The following KCNMA1 variants were observed in gnomAD, a reference collection of about 807,000 sequenced individuals.
KCNMA1 encodes potassium calcium-activated channel subfamily M alpha 1, also known as Calcium-activated potassium channel subunit alpha-1.
KCNMA1 carries 29 observed loss-of-function variants against 140.0 expected under a neutral mutation model. The ratio of observed to expected loss-of-function variants is 0.21; its 90% confidence interval spans 0.15 to 0.28. The LOEUF is 0.28. KCNMA1 is among the 10% of genes least tolerant of loss of function. KCNMA1 has a pLI of 1.00. For synonymous variants in KCNMA1, 612 were observed against 611.9 expected, an observed-to-expected ratio of 1.00 and a Z score of 0.00; for missense variants, 880 against 1,602.2, an observed-to-expected ratio of 0.55 and a Z score of 7.70.
Position 77,108,632 on chromosome 10 carries a change from T to C in KCNMA1, c.1132-60A>G, listed in dbSNP as rs2097250848. The C allele has an allele frequency of 8.0e-7, 1 of 1,257,186 alleles. No individual in the cohort carries two copies. The highest frequency in any genetic ancestry group is 1.5e-5 in the African/African-American group (1 of 67,898). The allele number at this position is 1,257,186 out of a possible 1,614,324, so 77.9% of individuals were successfully genotyped here. A position where few individuals can be genotyped will look rare whatever the true frequency, so the allele number is the denominator to read the frequency against. ...GACAGGCCAAAGAAAAGGGGGGACC[T>C]GTTCAGAGGGTGGGGGCACTAAGAT... On this transcript the variant is annotated intron_variant, in intron 8 of 27. Coordinates refer to ENST00000286628, the MANE Select transcript of KCNMA1 (RefSeq NM_001161352.2). The surrounding 1 kb of genome is among the most constrained non-coding windows in gnomAD (Gnocchi z 4.6).
chr10:77,362,630 C>T (rs1258616486), intron 2 of KCNMA1, among the ~76,000 whole-genome samples: 8 of 152,056 alleles, frequency 5.3e-5, no homozygotes, highest in Non-Finnish European at 7.3e-5. Flanking sequence ...CCCTGCCTGA[C>T]GTCCTGCCTC....
chr10:77,472,910 A>T (rs534881903), intron 1 of KCNMA1, among the ~76,000 whole-genome samples: 1 of 152,270 alleles, frequency 6.6e-6, no homozygotes, highest in East Asian at 1.9e-4. Flanking sequence ...CACTTACTCT[A>T]TGCTGTCTGA....
chr10:77,066,154 T>G (rs995676852), intron 14 of KCNMA1, among the ~76,000 whole-genome samples: 1 of 152,156 alleles, frequency 6.6e-6, no homozygotes, highest in African/African-American at 2.4e-5. Flanking sequence ...TTGTTCTGGA[T>G]GCTTTGTTGA....
At chr10:76,903,541 C>T (rs2046474238) in intron 25 of KCNMA1, 1 of 152,176 alleles carries the variant, frequency 6.6e-6, no homozygotes, top group South Asian at 2.1e-4. Context: ...GCAGGACATA[C>T]CTCCATGTAC....
intron 1 of KCNMA1, among the ~76,000 whole-genome samples, chr10:77,626,095 C>G (rs2092476625): frequency 6.6e-6 from 1 of 152,056 alleles, no homozygotes; most frequent in African/African-American, 2.4e-5. Flanking sequence ...CCTGCACGGC[C>G]TACGTTTTCT....
At chr10:76,915,386 A>G (rs1233781681) in intron 23 of KCNMA1, among the ~76,000 whole-genome samples, 2 of 152,102 alleles carry the variant, frequency 1.3e-5, no homozygotes, top group African/African-American at 4.8e-5. Flanking sequence ...TGGCCATGTG[A>G]CACATGAAAT....
intron 1 of KCNMA1, among the ~76,000 whole-genome samples, chr10:77,605,168 A>G (rs999612356): frequency 1.3e-5 from 2 of 152,228 alleles, no homozygotes; most frequent in East Asian, 1.9e-4. Context: ...CCAGGGGCAC[A>G]TGGCTGAAAG....
chr10:77,022,490 G>A (rs149336179), intron 16 of KCNMA1, among the ~76,000 whole-genome samples: 11 of 152,264 alleles, frequency 7.2e-5, no homozygotes, highest in Admixed American at 3.3e-4. Flanking sequence ...TGCTGTCTCT[G>A]TTTCTTTTGC....
intron 23 of KCNMA1, chr10:76,929,955 C>T (rs1051819690): frequency 4.6e-5 from 7 of 152,128 alleles, no homozygotes; most frequent in African/African-American, 1.7e-4. Context: ...AATCTGAACA[C>T]TTCTCTTACA....
chr10:76,907,973 C>T (rs190988723), intron 25 of KCNMA1, among the ~76,000 whole-genome samples: 1 of 152,068 alleles, frequency 6.6e-6, no homozygotes, highest in African/African-American at 2.4e-5. Flanking sequence ...GAAACATAAA[C>T]AATTTTATAA....
chr10:77,429,784 T>C (rs1409652701), intron 1 of KCNMA1, among the ~76,000 whole-genome samples: 2 of 151,980 alleles, frequency 1.3e-5, no homozygotes, highest in East Asian at 3.8e-4. Flanking sequence ...GATTTATATA[T>C]ATGTTAATAT....
intron 18 of KCNMA1, chr10:77,008,058 C>A: frequency 1.1e-6 from 1 of 938,892 alleles, no homozygotes; most frequent in Non-Finnish European, 1.6e-6. Flanking sequence ...GATGTCACTG[C>A]TACATGCAAC....
intron 3 of KCNMA1, among the ~76,000 whole-genome samples, chr10:77,218,836 G>A (rs930252910): frequency 6.6e-6 from 1 of 152,010 alleles, no homozygotes; most frequent in African/African-American, 2.4e-5. Flanking sequence ...ACAGGTGCAC[G>A]CCACCATATC....
At chr10:77,498,938 G>A (rs1383965009) in intron 1 of KCNMA1, 20 of 152,214 alleles carry the variant, frequency 1.3e-4, no homozygotes, top group Admixed American at 1.3e-3. Context: ...GTACCCAGAT[G>A]AGGCTGAGTA....
At chr10:77,182,553 G>A (rs2098811469) in intron 5 of KCNMA1, among the ~76,000 whole-genome samples, 1 of 152,166 alleles carries the variant, frequency 6.6e-6, no homozygotes, top group Admixed American at 6.5e-5. Context: ...GATGATGAAT[G>A]CTCTCTTCAC....
intron 2 of KCNMA1, among the ~76,000 whole-genome samples, chr10:77,393,635 AC>A (rs2095922549): frequency 2.0e-5 from 3 of 152,188 alleles, no homozygotes; most frequent in Admixed American, 2.0e-4. Flanking sequence ...CGCACCACAC[AC>A]AGCAGCTCCT....
intron 9 of KCNMA1, chr10:77,092,169 T>C (rs1455252894): frequency 1.3e-5 from 2 of 152,150 alleles, no homozygotes; most frequent in African/African-American, 2.4e-5. Flanking sequence ...AACCCCCTCA[T>C]TAGTATATGG....
At chr10:77,432,007 C>T (rs1370418874) in intron 1 of KCNMA1, among the ~76,000 whole-genome samples, 1 of 151,280 alleles carries the variant, frequency 6.6e-6, no homozygotes, top group Admixed American at 6.6e-5. Flanking sequence ...AAAAAAAAGG[C>T]TCACAGCAAA....
intron 1 of KCNMA1, 47 bp downstream of exon 1, chr10:77,637,218 A>C (rs1163771072): frequency 6.6e-7 from 1 of 1,521,784 alleles, no homozygotes; most frequent in Non-Finnish European, 8.9e-7. Context: ...GGACGCCGAG[A>C]AGCGGTGGGG....
Sources: gnomAD v4.1 joint callset for allele counts (sites outside exome capture counted in the v4.1 genomes callset) on GRCh38, gnomAD v4.1.1 for gene constraint, Gnocchi (gnomAD v3.1) non-coding constraint, MANE v1.5 for transcripts, NCBI Gene and HGNC (gene_info 2026-07-23, HGNC 2026-07-21) for gene names.